RIMS2: variants seen among roughly 807,000 people sequenced by gnomAD.
RIMS2 encodes regulating synaptic membrane exocytosis 2.
Under a neutral mutation model 174.4 loss-of-function variants are expected in RIMS2, and 59 were observed. That is an observed-to-expected ratio of 0.34 (90% CI 0.27 to 0.42). The LOEUF (loss-of-function observed/expected upper bound fraction) is 0.42, where lower values mean the gene tolerates loss of function less well. Ranked by LOEUF, RIMS2 falls within the 10% of genes least tolerant of loss-of-function variation. RIMS2 has a pLI of 1.00. For synonymous variants in RIMS2, 606 were observed against 572.5 expected (o/e 1.06, Z -0.84); for missense variants, 1,620 against 1,666.3 (o/e 0.97, Z 0.48).
At chr8:104,162,828 A>G (rs943169347) in intron 19 of RIMS2, among the ~76,000 whole-genome samples, 4 of 152,234 alleles carry the variant, frequency 2.6e-5, no homozygotes, top group Non-Finnish European at 4.4e-5. Flanking sequence ...TAATTTCATT[A>G]AAATTTATAA....
intron 17 of RIMS2, among the ~76,000 whole-genome samples, chr8:103,994,066 A>G (rs2154551072): frequency 6.6e-6 from 1 of 151,604 alleles, no homozygotes; most frequent in South Asian, 2.1e-4. Context: ...AAAAAAAAAA[A>G]AAAGAATAAA....
chr8:103,950,643 A>C (rs1020531420), intron 14 of RIMS2, among the ~76,000 whole-genome samples: 13 of 152,210 alleles, frequency 8.5e-5, no homozygotes, highest in African/African-American at 2.7e-4. Flanking sequence ...CCTCAATCCA[A>C]TAAAGAACAT....
In RIMS2 at chr8:103,706,401, C is replaced by G. The variant is rs543870503; in HGVS notation, c.387+9105C>G. 4.6e-5 allele frequency among the ~76,000 whole-genome samples: 7 copies of G among 152,122 alleles called. No homozygotes were observed. In the South Asian group the frequency reaches 1.5e-3, roughly 32 times the overall value. On this transcript the variant is annotated intron_variant, in intron 2 of 23. Coordinates refer to ENST00000504942, the Ensembl canonical transcript of RIMS2. Reference sequence around the variant, plus strand: ...GTTACTTATACCAGTGAGTTTTATACCTTCACAGGATTTTTTTGGATGATT... The same window carrying G: ...GTTACTTATACCAGTGAGTTTTATAGCTTCACAGGATTTTTTTGGATGATT...
intron 19 of RIMS2, among the ~76,000 whole-genome samples, chr8:104,161,334 T>C (rs1392189644): frequency 4.6e-5 from 7 of 152,090 alleles, no homozygotes; most frequent in Non-Finnish European, 8.8e-5. Flanking sequence ...ATGGGAAATA[T>C]TAGACTCAGA....
chr8:103,815,605 T>A (rs957536993), intron 3 of RIMS2, among the ~76,000 whole-genome samples: 1 of 152,194 alleles, frequency 6.6e-6, no homozygotes, highest in African/African-American at 2.4e-5. Flanking sequence ...TTGGAAGTTC[T>A]TTTGAGTTTA....
intron 1 of RIMS2, among the ~76,000 whole-genome samples, chr8:103,628,437 C>T (rs771802334): frequency 1.1e-4 from 16 of 151,304 alleles, no homozygotes; most frequent in Non-Finnish European, 2.2e-4. Flanking sequence ...TCACCACAAC[C>T]TCCGCCTCCC....
chr8:104,200,435 A>G (rs534494784), intron 19 of RIMS2, among the ~76,000 whole-genome samples: 64 of 152,312 alleles, frequency 4.2e-4, no homozygotes, highest in African/African-American at 1.3e-3. Context: ...AGAAAGGATT[A>G]AAAGGGAGAA....
At chr8:104,216,497 T>C (rs556630038) in intron 19 of RIMS2, among the ~76,000 whole-genome samples, 2 of 152,346 alleles carry the variant, frequency 1.3e-5, no homozygotes, top group South Asian at 2.1e-4. Flanking sequence ...ACTTGTGACA[T>C]TGGACAAATT....
At chr8:103,514,266 T>A (rs1209504768) in intron 1 of RIMS2, among the ~76,000 whole-genome samples, 1 of 152,256 alleles carries the variant, frequency 6.6e-6, no homozygotes, top group Non-Finnish European at 1.5e-5. Flanking sequence ...CTTCATGATT[T>A]GTCCTCTCTT....
intron 1 of RIMS2, among the ~76,000 whole-genome samples, chr8:103,576,575 C>T (rs1004057620): frequency 6.6e-6 from 1 of 151,898 alleles, no homozygotes; most frequent in Non-Finnish European, 1.5e-5. Context: ...AAATGATCTC[C>T]AAGATAACAT....
chr8:104,209,893 A>G (rs1179517770), intron 19 of RIMS2, among the ~76,000 whole-genome samples: 1 of 152,216 alleles, frequency 6.6e-6, no homozygotes, highest in Non-Finnish European at 1.5e-5. Context: ...TATATAATAA[A>G]AAATGAAATT....
At chr8:104,050,030 G>A (rs559235010) in intron 19 of RIMS2, among the ~76,000 whole-genome samples, 2 of 152,074 alleles carry the variant, frequency 1.3e-5, no homozygotes, top group Non-Finnish European at 1.5e-5. Flanking sequence ...AACATTCCAA[G>A]ACAGACTATT....
chr8:104,058,323 T>C (rs1360464836), intron 19 of RIMS2, among the ~76,000 whole-genome samples: 5 of 147,510 alleles, frequency 3.4e-5, no homozygotes, highest in African/African-American at 7.6e-5. Context: ...TGGCCAGTGA[T>C]GATGAGCATT....
At chr8:104,175,915 G>C (rs1291708714) in intron 19 of RIMS2, among the ~76,000 whole-genome samples, 2 of 152,082 alleles carry the variant, frequency 1.3e-5, no homozygotes, top group African/African-American at 4.8e-5. Context: ...AGACTGAAAA[G>C]AACTGAGACA....
chr8:103,812,015 A>G (rs1021022898), intron 3 of RIMS2, among the ~76,000 whole-genome samples: 6 of 152,192 alleles, frequency 3.9e-5, no homozygotes, highest in Admixed American at 2.6e-4. Context: ...TTCTGCAGCA[A>G]TGGTCAGAAT....
intron 19 of RIMS2, among the ~76,000 whole-genome samples, chr8:104,169,154 G>A (rs1357567298): frequency 6.6e-6 from 1 of 151,348 alleles, no homozygotes; most frequent in Non-Finnish European, 1.5e-5. Context: ...TGGTGTTAGG[G>A]TGATACTAGC....
At chr8:104,148,358 A>G (rs764423301) in intron 19 of RIMS2, among the ~76,000 whole-genome samples, 4 of 152,094 alleles carry the variant, frequency 2.6e-5, no homozygotes, top group African/African-American at 9.7e-5. Flanking sequence ...TCCTGTGATC[A>G]TGCAAATTTG....
intron 19 of RIMS2, among the ~76,000 whole-genome samples, chr8:104,019,071 G>C (rs2096010910): frequency 6.6e-6 from 1 of 152,136 alleles, no homozygotes; most frequent in Non-Finnish European, 1.5e-5. Context: ...GGTGGTGCGT[G>C]CCTGTAGTCC....
intron 22 of RIMS2, 130 bp downstream of exon 28, chr8:104,249,718 C>A (rs1447063): frequency 1.7e-6 from 1 of 598,478 alleles, no homozygotes; most frequent in Non-Finnish European, 3.0e-6. Context: ...TATGACTGGT[C>A]TGGTGCTGGA....
Sources: gnomAD v4.1 joint callset for allele counts (sites outside exome capture counted in the v4.1 genomes callset) on GRCh38, gnomAD v4.1.1 for gene constraint, MANE v1.5 for transcripts, NCBI Gene and HGNC (gene_info 2026-07-23, HGNC 2026-07-21) for gene names.